Variants in RALGDS observed in about 807,000 individuals in gnomAD.
RALGDS encodes ral guanine nucleotide dissociation stimulator, also known as ral guanine nucleotide exchange factor.
RALGDS carries 44 observed loss-of-function variants against 99.8 expected under a neutral mutation model. The observed-to-expected ratio is 0.44, with a 90% confidence interval of 0.35 to 0.57. The LOEUF is 0.57. Ranked by LOEUF, RALGDS falls within the 20% of genes least tolerant of loss-of-function variation. RALGDS has a pLI of 0.01. For synonymous variants in RALGDS, 529 were observed against 505.0 expected, an observed-to-expected ratio of 1.05 and a Z score of -0.64; for missense variants, 1,022 against 1,203.1, an observed-to-expected ratio of 0.85 and a Z score of 2.23.
At position 133,121,032 on chromosome 9, in the gene RALGDS, G is replaced by T; in HGVS notation, c.123C>A (p.Asp41Glu). The stretch of plus-strand genomic sequence containing the variant: ...AGCTGTGCAGCACCACCGGGCAGCT[G>T]TCGGGGACGCCCACCTCCAGGCGCA... ...DAVRLEVGVP[D>E]SCPVVLHSFT... The change falls in exon 1 of 18, where the codon GAC becomes GAA. Residue 41 changes from aspartate (D) to glutamate (E), a missense_variant. Asp to Glu is a conservative substitution (Grantham distance 45). Coordinates refer to ENST00000372050, the MANE Select transcript of RALGDS (RefSeq NM_006266.4). 1 of 1,495,778 alleles carries T rather than the reference G, an allele frequency of 6.7e-7. No individual in the cohort carries two copies. Among genetic ancestry groups the T allele is most frequent in the Non-Finnish European group, 8.9e-7 (1 of 1,128,992 alleles). The allele number at this position is 1,495,778 out of a possible 1,614,324, so 92.7% of individuals were successfully genotyped here.
intron 16 of RALGDS, 63 bp downstream of exon 16, chr9:133,101,457 C>A (rs773828742): frequency 5.6e-6 from 9 of 1,605,548 alleles, no homozygotes; most frequent in Non-Finnish European, 7.6e-6. Flanking sequence ...GGATGGTGCA[C>A]TGTGTTCAGG....
Position 133,106,752 on chromosome 9 carries a change from G to C in RALGDS, c.1414-4C>G. On this transcript the variant is annotated splice_polypyrimidine_tract_variant and splice_region_variant and intron_variant, in intron 7 of 17. Coordinates refer to ENST00000372050, the MANE Select transcript of RALGDS (RefSeq NM_006266.4). ...AGTTCTTGAGGATCCGGCACTCCTGGGGCGGGAAGAGCAGGAGGCATGAGG... is the reference window on the plus strand; with the variant it reads ...AGTTCTTGAGGATCCGGCACTCCTGCGGCGGGAAGAGCAGGAGGCATGAGG... The C allele has an allele frequency of 6.2e-7, 1 of 1,602,962 alleles. No homozygotes were observed. Among genetic ancestry groups the C allele is most frequent in the South Asian group, 1.1e-5 (1 of 90,416 alleles).
At chr9:133,126,470 C>T (rs1832164152) in intron 1 of RALGDS, among the ~76,000 whole-genome samples, 1 of 152,246 alleles carries the variant, frequency 6.6e-6, no homozygotes, top group Admixed American at 6.5e-5. Context: ...ACCCACATTT[C>T]CCTCTTCTCC....
chr9:133,100,567 C>T, intron 16 of RALGDS, 185 bp from the exon 17 acceptor site: 7 of 1,462,532 alleles, frequency 4.8e-6, no homozygotes, highest in Non-Finnish European at 6.3e-6. Context: ...AGGCCTCCGT[C>T]CTTCTGTTCC....
chr9:133,142,923 G>C (rs1297721749), intron 1 of RALGDS, among the ~76,000 whole-genome samples: 1 of 152,204 alleles, frequency 6.6e-6, no homozygotes, highest in Non-Finnish European at 1.5e-5. Flanking sequence ...GTGTGCACAC[G>C]GGGAGGCGCC....
chr9:133,129,200 C>A (rs111548200), intron 1 of RALGDS: 1 of 1,597,082 alleles, frequency 6.3e-7, no homozygotes, highest in Non-Finnish European at 8.5e-7. Context: ...GAGAGCGGCA[C>A]GACGGGCGAC....
In RALGDS at chr9:133,101,509, C is replaced by T. The variant is rs758747298; in HGVS notation, c.2454+11G>A. On this transcript the variant is annotated intron_variant, in intron 16 of 17. Transcript: ENST00000372050. ...TGGAGGGAGGCACCCAGGCCACCCC[C>T]GCCGGCTTACCAGGATGCTCTTGTA... The T allele has an allele frequency of 1.9e-5, 30 of 1,611,076 alleles. No individual in the cohort carries two copies. The highest frequency in any genetic ancestry group is 1.1e-4 in the African/African-American group (8 of 74,946).
At position 133,098,731 on chromosome 9, in the gene RALGDS, G is replaced by A; in HGVS notation, c.2601C>T (p.Phe867=). The part of the protein sequence containing the change: ...KLKIPENANV[F]YAMNSTANYD... The stretch of plus-strand genomic sequence containing the variant: ...AGTTGGCGGTAGAGTTCATGGCATA[G>A]AAGACGTTGGCGTTTTCAGGGATCT... Residue 867 remains phenylalanine (F), a synonymous_variant, in exon 18 of 18, where the codon TTC becomes TTT. Coordinates refer to ENST00000372050, the MANE Select transcript of RALGDS (RefSeq NM_006266.4). 1 of 1,614,118 alleles carries A rather than the reference G, an allele frequency of 6.2e-7. No homozygotes were observed. The highest frequency in any genetic ancestry group is 8.5e-7 in the Non-Finnish European group (1 of 1,180,024).
rs1364387503 is a variant in RALGDS, at chr9:133,103,550, G to A, written c.1758+197C>T. On this transcript the variant is annotated intron_variant, in intron 11 of 17. Coordinates refer to ENST00000372050, the MANE Select transcript of RALGDS (RefSeq NM_006266.4). ...GGCCTGGCTTCCCTCTGTGCTCAGG[G>A]TCACTGCCTGAGGGATGGGCTGTGT... 4.2e-6 allele frequency: 3 copies of A among 709,322 alleles called. No individual in the cohort carries two copies. In the African/African-American group the frequency reaches 5.2e-5, roughly 12 times the overall value. The allele number at this position is 709,322 out of a possible 1,614,324, so 43.9% of individuals were successfully genotyped here.
At chr9:133,140,913 G>C (rs1832510405) in intron 1 of RALGDS, among the ~76,000 whole-genome samples, 1 of 152,138 alleles carries the variant, frequency 6.6e-6, no homozygotes, top group African/African-American at 2.4e-5. Flanking sequence ...CCTCTGCCCT[G>C]CCCCTCCTCC....
upstream of RALGDS, among the ~76,000 whole-genome samples, chr9:133,135,998 C>T (rs900671042): frequency 1.3e-5 from 2 of 152,124 alleles, no homozygotes; most frequent in Admixed American, 6.5e-5. Context: ...AGATGAGGAT[C>T]AGTAACAGAG....
chr9:133,103,297 G>C (rs1384755224), intron 11 of RALGDS, 35 bp from the exon 12 acceptor site: 1 of 1,613,364 alleles, frequency 6.2e-7, no homozygotes, highest in Non-Finnish European at 8.5e-7. Flanking sequence ...GTCAGAAAGT[G>C]ACCCCTTGAC....
At chr9:133,128,280 G>A (rs562913891) in intron 1 of RALGDS, among the ~76,000 whole-genome samples, 4 of 152,318 alleles carry the variant, frequency 2.6e-5, no homozygotes, top group African/African-American at 7.2e-5. Flanking sequence ...GGAGAGGGAG[G>A]CAGCAGGCAG....
upstream of RALGDS, among the ~76,000 whole-genome samples, chr9:133,121,554 G>A (rs1444792146): frequency 6.6e-6 from 1 of 152,170 alleles, no homozygotes; most frequent in African/African-American, 2.4e-5. Flanking sequence ...CGCTGCTGCA[G>A]TGCGTGTGTT....
Position 133,121,073 on chromosome 9 carries a change from T to C in RALGDS, c.82A>G (p.Ser28Gly). The C allele has an allele frequency of 6.7e-7, 1 of 1,483,404 alleles. No homozygotes were observed. The highest frequency in any genetic ancestry group is 1.5e-5 in the African/African-American group (1 of 68,260). The allele number at this position is 1,483,404 out of a possible 1,614,324, so 91.9% of individuals were successfully genotyped here. Reference protein sequence around the residue: ...PLFPGSRRSRSVWDAVRLEVG... With the variant: ...PLFPGSRRSRGVWDAVRLEVG... ...TCCAGGCGCACGGCGTCCCACACGC[T>C]GCGGCTCCGCCGGGAGCCCGGAAAC... Residue 28 changes from serine to glycine, a missense_variant, in exon 1 of 18, where the codon AGC (serine) becomes GGC (glycine). This residue lies in a region of RALGDS where 180 missense variants were observed against 169.3 expected (regional missense o/e 1.06). Coordinates refer to ENST00000372050, the MANE Select transcript of RALGDS (RefSeq NM_006266.4).
chr9:133,103,222 C>T lies in RALGDS; in HGVS notation c.1791+8G>A, dbSNP rs1268539848. 14 of 1,613,918 alleles carry T rather than the reference C, an allele frequency of 8.7e-6. No homozygotes were observed. The highest frequency in any genetic ancestry group is 1.2e-5 in the Non-Finnish European group (14 of 1,180,010). ...CTCCCCAAGTCAGGGCTGCCTGCAG[C>T]TGCTTACCTTCCTCCTCTTCTCAAA... On this transcript the variant is annotated splice_region_variant and intron_variant, in intron 12 of 17. Coordinates refer to ENST00000372050, the MANE Select transcript of RALGDS (RefSeq NM_006266.4).
At chr9:133,149,011 AGGGCGGGACCCG>A (rs753823541) in exon 1 of RALGDS, 2 of 1,551,222 alleles carry the variant, frequency 1.3e-6, no homozygotes, top group Admixed American at 1.9e-5. Flanking sequence ...CGCCGGCCCC[AGGGCGGGACCCG>A]GGGCTCGCAG....
rs2119216980 is a variant in RALGDS, at chr9:133,121,227, G to T, written c.-73C>A. 1 of 988,122 alleles carries T rather than the reference G, an allele frequency of 1.0e-6. No individual in the cohort carries two copies. Among genetic ancestry groups the T allele is most frequent in the Non-Finnish European group, 1.2e-6 (1 of 833,298 alleles). The allele number at this position is 988,122 out of a possible 1,614,324, so 61.2% of individuals were successfully genotyped here. A position where few individuals can be genotyped will look rare whatever the true frequency, so the allele number is the denominator to read the frequency against. The stretch of plus-strand genomic sequence containing the variant: ...GCGGCGGCGCGGCCCGCGCGGCTGG[G>T]CTTTGCCACCGCTGTGAGCCCGCGG... On this transcript the variant is annotated 5_prime_UTR_variant, in exon 1 of 18. Transcript: ENST00000372050.
At chr9:133,102,643 G>A in intron 13 of RALGDS, 72 bp from the exon 14 acceptor site, 1 of 1,605,730 alleles carries the variant, frequency 6.2e-7, no homozygotes, top group Non-Finnish European at 8.5e-7. Flanking sequence ...CTGCCCAGAA[G>A]CTGGAGTCGG....
Sources: allele counts gnomAD v4.1 joint callset (sites outside exome capture counted in the v4.1 genomes callset), GRCh38; gene constraint gnomAD v4.1.1; regional missense constraint gnomAD v4.1.1; transcripts MANE v1.5; gene names NCBI Gene and HGNC (gene_info 2026-07-23, HGNC 2026-07-21).